TMEM38B: variants seen among roughly 807,000 people sequenced by gnomAD.
The protein encoded by TMEM38B is trimeric intracellular cation channel type B.
TMEM38B carries 24 observed loss-of-function variants against 28.7 expected under a neutral mutation model. The ratio of observed to expected loss-of-function variants is 0.84; its 90% confidence interval spans 0.61 to 1.18. The LOEUF (loss-of-function observed/expected upper bound fraction) is 1.18. Ranked by LOEUF, TMEM38B falls within the 50% of genes most tolerant of loss-of-function variation. The pLI is 0.00. For synonymous variants in TMEM38B, 131 were observed against 127.7 expected (o/e 1.03, Z -0.17); for missense variants, 380 against 350.9 (o/e 1.08, Z -0.66).
intron 1 of TMEM38B, among the ~76,000 whole-genome samples, chr9:105,702,998 T>A (rs1230127502): frequency 6.6e-6 from 1 of 151,216 alleles, no homozygotes; most frequent in Non-Finnish European, 1.5e-5. Flanking sequence ...AGCATTTTGA[T>A]ATTAAAGTTC....
chr9:105,732,815 C>G (rs1836808141), intron 4 of TMEM38B, among the ~76,000 whole-genome samples: 1 of 152,054 alleles, frequency 6.6e-6, no homozygotes, highest in Non-Finnish European at 1.5e-5. Context: ...TTTGTATGAA[C>G]TTTAAAACAG....
At chr9:105,710,353 A>G (rs1835854960) in intron 2 of TMEM38B, 5 of 738,504 alleles carry the variant, frequency 6.8e-6, no homozygotes, top group East Asian at 2.5e-5. Flanking sequence ...TTCTAGGATT[A>G]TATGATCTTC....
At chr9:105,751,931 C>T (rs555259062) in intron 5 of TMEM38B, among the ~76,000 whole-genome samples, 29 of 152,216 alleles carry the variant, frequency 1.9e-4, no homozygotes, top group Non-Finnish European at 3.7e-4. Flanking sequence ...TCTATTGGGA[C>T]GTAGCTCTCA....
chr9:105,742,668 A>G (rs1471121415), intron 4 of TMEM38B, among the ~76,000 whole-genome samples: 1 of 152,174 alleles, frequency 6.6e-6, no homozygotes, highest in Non-Finnish European at 1.5e-5. Flanking sequence ...TTTCTATGAA[A>G]TCCTTGTTCC....
intron 2 of TMEM38B, among the ~76,000 whole-genome samples, chr9:105,709,481 C>CA (rs754981432): frequency 5.8e-4 from 88 of 152,186 alleles, no homozygotes; most frequent in Admixed American, 2.6e-3. Flanking sequence ...ACATCTCAAA[C>CA]AAGACAATTA....
intron 4 of TMEM38B, among the ~76,000 whole-genome samples, chr9:105,740,091 C>T (rs926193826): frequency 6.6e-6 from 1 of 151,940 alleles, no homozygotes; most frequent in African/African-American, 2.4e-5. Flanking sequence ...CCATGTTGGC[C>T]AGGCTGGTCT....
At chr9:105,701,146 C>T (rs1835449065) in intron 1 of TMEM38B, 1 of 152,110 alleles carries the variant, frequency 6.6e-6, no homozygotes, top group South Asian at 2.1e-4. Context: ...TTTTCAATAA[C>T]CTAGTTAACA....
intron 5 of TMEM38B, among the ~76,000 whole-genome samples, chr9:105,751,330 C>A (rs1217499267): frequency 6.6e-6 from 1 of 152,184 alleles, no homozygotes; most frequent in Non-Finnish European, 1.5e-5. Context: ...AGTGATTATG[C>A]AACCTTGCCC....
chr9:105,712,810 C>A (rs968405800), intron 2 of TMEM38B, among the ~76,000 whole-genome samples: 2 of 152,236 alleles, frequency 1.3e-5, no homozygotes, highest in Non-Finnish European at 2.9e-5. Context: ...GACAGCCCCA[C>A]ACCCCCCACA....
At chr9:105,708,945 T>G (rs995805922) in intron 2 of TMEM38B, among the ~76,000 whole-genome samples, 1 of 152,082 alleles carries the variant, frequency 6.6e-6, no homozygotes, top group Non-Finnish European at 1.5e-5. Context: ...TGTTTAAAAT[T>G]TTTATATTTG....
intron 4 of TMEM38B, among the ~76,000 whole-genome samples, chr9:105,747,646 C>G (rs762827382): frequency 2.0e-5 from 3 of 152,138 alleles, no homozygotes; most frequent in Non-Finnish European, 4.4e-5. Context: ...TCTTGCTTCT[C>G]TAGTTCTTTT....
chr9:105,754,912 A>C (rs745352387), intron 5 of TMEM38B, among the ~76,000 whole-genome samples: 11 of 152,198 alleles, frequency 7.2e-5, no homozygotes, highest in Non-Finnish European at 1.5e-4. Context: ...TCAAATAAAC[A>C]CAATCAGAAA....
intron 2 of TMEM38B, among the ~76,000 whole-genome samples, chr9:105,713,838 A>T (rs1835997480): frequency 6.6e-6 from 1 of 152,164 alleles, no homozygotes; most frequent in African/African-American, 2.4e-5. Flanking sequence ...TCTGAGGCCC[A>T]TAAAAGCTCT....
intron 5 of TMEM38B, chr9:105,760,887 A>G (rs1233698948): frequency 9.2e-6 from 5 of 544,568 alleles, no homozygotes; most frequent in Non-Finnish European, 1.6e-5. Context: ...GGAAGTACCA[A>G]AATAGTTGTT....
intron 1 of TMEM38B, 110 bp from the exon 2 acceptor site, chr9:105,705,487 G>A: frequency 9.0e-7 from 1 of 1,105,904 alleles, no homozygotes. Flanking sequence ...AATAATAGTT[G>A]TTGAAAATTA....
At position 105,776,062 on chromosome 9, in the gene TMEM38B, T is replaced by A. The variant is rs10816324; in HGVS notation, c.*1982T>A. 32,068 of 151,854 alleles carry A rather than the reference T, an allele frequency of 0.21. 5,293 individuals carry two copies. The highest frequency in any genetic ancestry group is 0.47 in the East Asian group (2,389 of 5,120). 9.4% of individuals were successfully genotyped at this position (151,854 alleles called of 1,614,324 possible). On this transcript the variant is annotated 3_prime_UTR_variant, in exon 6 of 6. Coordinates refer to ENST00000374692, the MANE Select transcript of TMEM38B (RefSeq NM_018112.3). ...GAATCTATTCAGGTCACCTGTAGAGTCTTGACTTGGATTTGCAAAGCAGAT... is the reference window on the plus strand; with the variant it reads ...GAATCTATTCAGGTCACCTGTAGAGACTTGACTTGGATTTGCAAAGCAGAT...
In TMEM38B at chr9:105,694,703, A is replaced by C. The variant is rs138722007; in HGVS notation, c.43A>C (p.Thr15Pro). The C allele has an allele frequency of 4.3e-4, 699 of 1,613,808 alleles. No homozygotes were observed. Among genetic ancestry groups the C allele is most frequent in the Non-Finnish European group, 5.6e-4 (661 of 1,179,902 alleles). The stretch of plus-strand genomic sequence containing the variant: ...CGAGTTGGCTCTGGCCTTCTCCCGC[A>C]CGTCCATGTTTCCCTTTTTTGACAT... Reference protein sequence around the residue: ...WDELALAFSRTSMFPFFDIAH... With the variant: ...WDELALAFSRPSMFPFFDIAH... The change falls in exon 1 of 6, where the codon ACG becomes CCG. Residue 15 changes from threonine to proline, a missense_variant. Coordinates refer to ENST00000374692, the MANE Select transcript of TMEM38B (RefSeq NM_018112.3).
chr9:105,703,169 G>A (rs1386750504), intron 1 of TMEM38B, among the ~76,000 whole-genome samples: 3 of 152,102 alleles, frequency 2.0e-5, no homozygotes, highest in African/African-American at 4.8e-5. Flanking sequence ...TCTTCTAAAT[G>A]CCAGTACATT....
At chr9:105,716,757 C>T (rs995966780) in intron 2 of TMEM38B, among the ~76,000 whole-genome samples, 1 of 152,178 alleles carries the variant, frequency 6.6e-6, no homozygotes, top group African/African-American at 2.4e-5. Context: ...TCATGATGAT[C>T]CACTTCCACT....
Sources: allele counts gnomAD v4.1 joint callset (sites outside exome capture counted in the v4.1 genomes callset), GRCh38; gene constraint gnomAD v4.1.1; transcripts MANE v1.5; gene names NCBI Gene and HGNC (gene_info 2026-07-23, HGNC 2026-07-21).